The following MAGI2 variants were observed in gnomAD, a reference collection of about 807,000 sequenced individuals.
MAGI2 encodes membrane associated guanylate kinase, WW and PDZ domain containing 2.
MAGI2 carries 35 observed loss-of-function variants against 133.3 expected under a neutral mutation model. That is an observed-to-expected ratio of 0.26 (90% CI 0.20 to 0.35). The LOEUF (loss-of-function observed/expected upper bound fraction) is 0.35, where lower values mean the gene tolerates loss of function less well. Ranked by LOEUF, MAGI2 falls within the 10% of genes least tolerant of loss-of-function variation. The pLI is 1.00. For synonymous variants in MAGI2, 729 were observed against 710.6 expected (o/e 1.03, Z -0.41); for missense variants, 1,636 against 1,863.4 (o/e 0.88, Z 2.25).
At chr7:78,635,136 T>G (rs1356131778) in intron 2 of MAGI2, among the ~76,000 whole-genome samples, 1 of 152,178 alleles carries the variant, frequency 6.6e-6, no homozygotes, top group African/African-American at 2.4e-5. Context: ...AAGACATGTC[T>G]AAACAAAATG....
chr7:79,338,007 A>T (rs573228050), intron 1 of MAGI2, among the ~76,000 whole-genome samples: 5 of 152,156 alleles, frequency 3.3e-5, no homozygotes, highest in Admixed American at 3.3e-4. Context: ...AACATAAAAC[A>T]TCCTTTGTGA....
intron 3 of MAGI2, 66 bp downstream of exon 3, chr7:78,627,054 G>A (rs1405886244): frequency 7.4e-6 from 11 of 1,485,956 alleles, no homozygotes; most frequent in Non-Finnish European, 7.2e-6. Context: ...GTGTCCCCGT[G>A]CATTTCCATC....
chr7:78,084,229 A>G (rs1816367052), intron 20 of MAGI2, among the ~76,000 whole-genome samples: 1 of 152,200 alleles, frequency 6.6e-6, no homozygotes, highest in Admixed American at 6.5e-5. Flanking sequence ...TTATTTCATG[A>G]TGGACTTAGC....
chr7:79,425,395 T>C (rs1563211902), intron 1 of MAGI2, among the ~76,000 whole-genome samples: 1 of 151,980 alleles, frequency 6.6e-6, no homozygotes. Context: ...TTCTGACTTC[T>C]ACGTAACTGT....
intron 1 of MAGI2, among the ~76,000 whole-genome samples, chr7:79,199,981 A>G (rs1828445191): frequency 6.6e-6 from 1 of 151,948 alleles, no homozygotes; most frequent in East Asian, 1.9e-4. Flanking sequence ...AGACTACACA[A>G]TTAACAACTC....
chr7:79,353,277 G>A, intron 1 of MAGI2: 1 of 327,594 alleles, frequency 3.1e-6, no homozygotes, highest in Non-Finnish European at 6.2e-6. Context: ...GCCCTGGCAG[G>A]GTGGTTTCCC....
chr7:79,270,849 T>C (rs748529155), intron 1 of MAGI2, among the ~76,000 whole-genome samples: 2 of 152,136 alleles, frequency 1.3e-5, no homozygotes, highest in Non-Finnish European at 2.9e-5. Flanking sequence ...CCACATTCTC[T>C]AGTTTCTTCA....
intron 10 of MAGI2, among the ~76,000 whole-genome samples, chr7:78,225,401 G>A (rs552253254): frequency 6.6e-6 from 1 of 152,056 alleles, no homozygotes; most frequent in South Asian, 2.1e-4. Context: ...TTAGACTGGA[G>A]GGCAGTGGCA....
At chr7:79,060,179 G>A (rs2036604433) in intron 1 of MAGI2, among the ~76,000 whole-genome samples, 1 of 151,950 alleles carries the variant, frequency 6.6e-6, no homozygotes, top group Non-Finnish European at 1.5e-5. Flanking sequence ...AAAATCTCCA[G>A]TACAAAGTTG....
intron 2 of MAGI2, among the ~76,000 whole-genome samples, chr7:78,959,826 C>T (rs752337500): frequency 2.0e-5 from 3 of 152,060 alleles, no homozygotes; most frequent in Non-Finnish European, 4.4e-5. Context: ...ATCATGGGCA[C>T]CGGCAAACAC....
In MAGI2 at chr7:78,242,643, C is replaced by A. The variant is rs190578292; in HGVS notation, c.2047+13300G>T. On this transcript the variant is annotated intron_variant, in intron 10 of 21. Transcript: ENST00000354212. ...CCTGGATACAAATCTTTTCAAATACCTGGTGCTTTTCTCTCTCAGTAACGT... is the reference window on the plus strand; with the variant it reads ...CCTGGATACAAATCTTTTCAAATACATGGTGCTTTTCTCTCTCAGTAACGT... Among the ~76,000 whole-genome samples the A allele has an allele frequency of 1.4e-4, 22 of 152,220 alleles. 1 individual carries two copies. The East Asian group carries it at 4.2e-3, about 29-fold the overall frequency.
chr7:79,273,325 A>G (rs1835011821), intron 1 of MAGI2, among the ~76,000 whole-genome samples: 1 of 152,150 alleles, frequency 6.6e-6, no homozygotes, highest in Admixed American at 6.6e-5. Flanking sequence ...TCTCTAATTT[A>G]GATCCTGGAG....
chr7:78,755,159 A>G (rs2151287098), intron 2 of MAGI2, among the ~76,000 whole-genome samples: 1 of 152,348 alleles, frequency 6.6e-6, no homozygotes, highest in South Asian at 2.1e-4. Flanking sequence ...TGAAAGGGTA[A>G]GAATTTATCA....
At chr7:78,857,800 A>G (rs572280192) in intron 2 of MAGI2, among the ~76,000 whole-genome samples, 1 of 152,226 alleles carries the variant, frequency 6.6e-6, no homozygotes, top group African/African-American at 2.4e-5. Context: ...CTCTTTTCCT[A>G]TTGATTAGAA....
chr7:79,114,001 A>C (rs1819172938), intron 1 of MAGI2, among the ~76,000 whole-genome samples: 1 of 152,140 alleles, frequency 6.6e-6, no homozygotes, highest in African/African-American at 2.4e-5. Context: ...TTCAGGTGTT[A>C]TGTGCATTCC....
chr7:78,149,729 A>G (rs982605895), intron 16 of MAGI2, among the ~76,000 whole-genome samples: 1 of 152,186 alleles, frequency 6.6e-6, no homozygotes, highest in African/African-American at 2.4e-5. Flanking sequence ...TCCTCTCATG[A>G]TGAATCCGTA....
chr7:78,485,622 T>C (rs1369903711), intron 6 of MAGI2: 4 of 152,128 alleles, frequency 2.6e-5, no homozygotes, highest in Non-Finnish European at 5.9e-5. Context: ...GTATTCCTCT[T>C]ATATTAATTT....
At chr7:79,040,007 T>C (rs945896979) in intron 1 of MAGI2, among the ~76,000 whole-genome samples, 1 of 151,732 alleles carries the variant, frequency 6.6e-6, no homozygotes, top group African/African-American at 2.4e-5. Context: ...ACAAATAGCA[T>C]GTTTCATTTA....
rs564753940 is a variant in MAGI2 at position 78,595,029 on chromosome 7, G to A, written c.538+32091C>T. 8.1e-4 allele frequency among the ~76,000 whole-genome samples: 123 copies of A among 152,224 alleles called. 1 individual carries two copies. The highest frequency in any genetic ancestry group is 2.8e-3 in the African/African-American group (117 of 41,536). ...CTGGAAGACTTTGTAATTTTGAGTT[G>A]GTCTGGCAATATTTTCTGGGCCTTT... On this transcript the variant is annotated intron_variant, in intron 3 of 21. Coordinates refer to ENST00000354212, the MANE Select transcript of MAGI2 (RefSeq NM_012301.4).
Sources: gnomAD v4.1 joint callset for allele counts (sites outside exome capture counted in the v4.1 genomes callset) on GRCh38, gnomAD v4.1.1 for gene constraint, MANE v1.5 for transcripts, NCBI Gene and HGNC (gene_info 2026-07-23, HGNC 2026-07-21) for gene names.